Variants in MMP7 observed in about 807,000 individuals in gnomAD.
MMP7 encodes the protein matrilysin.
Under a neutral mutation model 31.5 loss-of-function variants are expected in MMP7, and 26 were observed. The ratio of observed to expected loss-of-function variants is 0.83; its 90% CI spans 0.61 to 1.15. MMP7 has a LOEUF of 1.15. Ranked by LOEUF, MMP7 falls within the 50% of genes most tolerant of loss-of-function variation. MMP7 has a pLI of 0.00. For missense variants in MMP7, 367 were observed against 326.5 expected (o/e 1.12, Z -0.96); for synonymous variants, 142 against 124.2 (o/e 1.14, Z -0.95).
rs200124736 is a variant in MMP7 at position 102,523,416 on chromosome 11, G to T, written c.614-15C>A. On this transcript the variant is annotated splice_polypyrimidine_tract_variant and intron_variant, in intron 4 of 5. Coordinates refer to ENST00000260227, the MANE Select transcript of MMP7 (RefSeq NM_002423.5). ...GAAGTTAATCCCTACAACCGAAGAAGTGACAAACAGTAATGATAAAAATAG... is the reference window on the plus strand; with the variant it reads ...GAAGTTAATCCCTACAACCGAAGAATTGACAAACAGTAATGATAAAAATAG... 6.4e-7 allele frequency: 1 copy of T among 1,560,280 alleles called. No individual in the cohort carries two copies. The highest frequency in any genetic ancestry group is 8.7e-7 in the Non-Finnish European group (1 of 1,152,870).
intron 3 of MMP7, among the ~76,000 whole-genome samples, chr11:102,526,189 G>T (rs1201404614): frequency 2.2e-5 from 3 of 138,714 alleles, no homozygotes; most frequent in Non-Finnish European, 4.6e-5. Flanking sequence ...TAAAAAAATG[G>T]GTTTTACATA....
Position 102,527,856 on chromosome 11 carries a change from A to G in MMP7, c.236T>C (p.Ile79Thr), listed in dbSNP as rs150338402. 531 of 1,614,116 alleles carry G rather than the reference A, an allele frequency of 3.3e-4. 5 individuals are homozygous for G. In the East Asian group the frequency reaches 0.011, roughly 33 times the overall value. The change falls in exon 2 of 6, where the codon ATA (isoleucine) becomes ACA (threonine). Residue 79 changes from isoleucine (I) to threonine (T), a missense_variant. Coordinates refer to ENST00000260227, the MANE Select transcript of MMP7 (RefSeq NM_002423.5). ...ACATCTGGGCTTCTGCATTATTTCT[A>G]TGACGCGGGAGTTTAACATTCCAGT... Reference protein sequence around the residue: ...PITGMLNSRVIEIMQKPRCGV... With the variant: ...PITGMLNSRVTEIMQKPRCGV...
Position 102,530,470 on chromosome 11 carries a change from G to A in MMP7, c.108+123C>T, listed in dbSNP as rs182996919. The A allele has an allele frequency of 1.7e-4, 129 of 781,696 alleles. No homozygotes were observed. The East Asian group carries it at 2.9e-3, about 18-fold the overall frequency. 48.4% of individuals were successfully genotyped at this position (781,696 alleles called of 1,614,324 possible). On this transcript the variant is annotated intron_variant, in intron 1 of 5. Transcript: ENST00000260227. ...AAAACATATATTGCTTTTATAATCC[G>A]AAGAACCACCCCAAAGAAAATTCCA...
intron 4 of MMP7, 97 bp downstream of exon 4, chr11:102,524,839 G>T (rs750071757): frequency 5.1e-6 from 7 of 1,370,358 alleles, no homozygotes; most frequent in Non-Finnish European, 6.8e-6. Context: ...CTTAGCAAGG[G>T]CTCAATACTT....
In MMP7 at chr11:102,527,660, A is replaced by G. The variant is rs151212258; in HGVS notation, c.348T>C (p.Tyr116=). 1.3e-4 allele frequency: 202 copies of G among 1,614,150 alleles called. No homozygotes were observed. In the African/African-American group the frequency reaches 2.5e-3, roughly 20 times the overall value. The change falls in exon 3 of 6, where the codon TAT becomes TAC. Residue 116 remains tyrosine (Y), a synonymous_variant. Coordinates refer to ENST00000260227, the MANE Select transcript of MMP7 (RefSeq NM_002423.5). ...SKVVTYRIVS[Y]TRDLPHITVD... is the part of the protein sequence containing the mutation. ...CTGTAATATGCGGTAAGTCTCGAGT[A>G]TATGATACGATCCTAGTAGCAAACA...
intron 1 of MMP7, 115 bp downstream of exon 1, chr11:102,530,478 A>T: frequency 1.2e-6 from 1 of 819,760 alleles, no homozygotes; most frequent in East Asian, 2.7e-5. Context: ...CCGAAGAACC[A>T]CCCCAAAGAA....
chr11:102,521,882 A>G (rs1858617534), intron 5 of MMP7, among the ~76,000 whole-genome samples: 1 of 152,226 alleles, frequency 6.6e-6, no homozygotes. Context: ...TGATAACTTT[A>G]CGAACAATAG....
chr11:102,527,459 G>A (rs1361091225), intron 3 of MMP7, 65 bp downstream of exon 3: 3 of 1,575,394 alleles, frequency 1.9e-6, no homozygotes, highest in Non-Finnish European at 2.6e-6. Context: ...TAAGAAAAGA[G>A]CACTGATATA....
chr11:102,525,306 A>G (rs1397109178), intron 3 of MMP7, among the ~76,000 whole-genome samples: 1 of 152,024 alleles, frequency 6.6e-6, no homozygotes, highest in Non-Finnish European at 1.5e-5. Flanking sequence ...ATGGTGGCAC[A>G]TGCCACCAAG....
At chr11:102,525,115 A>T (rs761563215) in intron 3 of MMP7, 51 bp from the exon 4 acceptor site, 11 of 1,567,046 alleles carry the variant, frequency 7.0e-6, no homozygotes, top group Non-Finnish European at 3.5e-6. Context: ...TTTTTTCTCC[A>T]GTCATTTTAT....
rs1052867685 is a variant in MMP7, at chr11:102,530,725, C to T, written c.-25G>A. On this transcript the variant is annotated 5_prime_UTR_variant, in exon 1 of 6. Coordinates refer to ENST00000260227, the MANE Select transcript of MMP7 (RefSeq NM_002423.5). ...TAGCTGCCGTCCAGAGACAATTGTT[C>T]TTGGACCTATGGTTGATTTGGTGTT... 1 of 1,599,912 alleles carries T rather than the reference C, an allele frequency of 6.3e-7. No homozygotes were observed. Among genetic ancestry groups the T allele is most frequent in the Non-Finnish European group, 8.6e-7 (1 of 1,169,350 alleles).
intron 3 of MMP7, among the ~76,000 whole-genome samples, chr11:102,526,779 T>C (rs1461728232): frequency 6.6e-6 from 1 of 152,222 alleles, no homozygotes; most frequent in East Asian, 1.9e-4. Context: ...TATAAGATTA[T>C]AATGGAGCTG....
chr11:102,525,984 T>G (rs1858666098), intron 3 of MMP7, among the ~76,000 whole-genome samples: 1 of 151,890 alleles, frequency 6.6e-6, no homozygotes, highest in Non-Finnish European at 1.5e-5. Context: ...TAACATTTTC[T>G]TCGGTGTTGT....
intron 5 of MMP7, among the ~76,000 whole-genome samples, chr11:102,522,285 T>C (rs943853303): frequency 1.3e-5 from 2 of 152,242 alleles, no homozygotes; most frequent in African/African-American, 2.4e-5. Flanking sequence ...TCCTCTATTA[T>C]GTGGAAGCAC....
At chr11:102,524,100 G>A (rs932860053) in intron 4 of MMP7, among the ~76,000 whole-genome samples, 2 of 152,196 alleles carry the variant, frequency 1.3e-5, no homozygotes, top group East Asian at 1.9e-4. Context: ...AGCTCTGGTG[G>A]CGTTGCATTG....
At chr11:102,530,399 C>T (rs1191799720) in intron 1 of MMP7, among the ~76,000 whole-genome samples, 194 bp downstream of exon 1, 1 of 152,088 alleles carries the variant, frequency 6.6e-6, no homozygotes, top group African/African-American at 2.4e-5. Flanking sequence ...GAACTCAAGC[C>T]CGATTTGAGC....
chr11:102,526,685 C>T (rs1480413676), intron 3 of MMP7, among the ~76,000 whole-genome samples: 2 of 152,076 alleles, frequency 1.3e-5, no homozygotes, highest in African/African-American at 2.4e-5. Flanking sequence ...GATTTAATAT[C>T]GATGTTAGGT....
At position 102,520,594 on chromosome 11, in the gene MMP7, C is replaced by A; in HGVS notation, c.*182G>T. ...CCACTGCAAGTATAGATGAATAAGA[C>A]ACAGTCACACCATAAAGGAGTTTAT... On this transcript the variant is annotated 3_prime_UTR_variant, in exon 6 of 6. Coordinates refer to ENST00000260227, the MANE Select transcript of MMP7 (RefSeq NM_002423.5). 1.9e-6 allele frequency: 1 copy of A among 514,738 alleles called. No homozygotes were observed. Among genetic ancestry groups the A allele is most frequent in the African/African-American group, 1.9e-5 (1 of 52,352 alleles). The allele number at this position is 514,738 out of a possible 1,614,324, so 31.9% of individuals were successfully genotyped here.
At position 102,527,523 on chromosome 11, in the gene MMP7, C is replaced by T. The variant is rs762824868; in HGVS notation, c.484+1G>A. The T allele has an allele frequency of 4.3e-6, 7 of 1,614,032 alleles. No individual in the cohort carries two copies. The African/African-American group carries it at 9.3e-5, about 22-fold the overall frequency. On this transcript the variant is annotated splice_donor_variant, in intron 3 of 5. Transcript: ENST00000260227. LOFTEE classifies it high-confidence loss of function. ...GATTAGCCTACAGGAATCTTTCTTA[C>T]CTCCTCGCGCAAAGCCAATCATGAT...
Sources: gnomAD v4.1 joint callset for allele counts (sites outside exome capture counted in the v4.1 genomes callset) on GRCh38, gnomAD v4.1.1 for gene constraint, MANE v1.5 for transcripts, NCBI Gene and HGNC (gene_info 2026-07-23, HGNC 2026-07-21) for gene names.